CTNNA3: variants seen among roughly 807,000 people sequenced by gnomAD.
The protein encoded by CTNNA3 is catenin alpha 3.
A neutral mutation model predicts 95.7 loss-of-function variants in CTNNA3; 76 were observed. The observed-to-expected ratio is 0.79, with a 90% CI of 0.66 to 0.96. CTNNA3 has a LOEUF of 0.96. Ranked by LOEUF, CTNNA3 falls within the 40% of genes least tolerant of loss-of-function variation. CTNNA3 has a pLI of 0.00. For missense variants in CTNNA3, 1,191 were observed against 1,089.8 expected (o/e 1.09, Z -1.31); for synonymous variants, 431 against 374.4 (o/e 1.15, Z -1.74).
At chr10:66,185,256 T>C (rs1392927551) in intron 13 of CTNNA3, among the ~76,000 whole-genome samples, 2 of 152,132 alleles carry the variant, frequency 1.3e-5, no homozygotes, top group Non-Finnish European at 2.9e-5. Flanking sequence ...AATTAGTAGA[T>C]AGAGTTGGAG....
intron 12 of CTNNA3, among the ~76,000 whole-genome samples, chr10:66,323,413 G>A (rs2092215496): frequency 6.6e-6 from 1 of 151,852 alleles, no homozygotes; most frequent in African/African-American, 2.4e-5. Context: ...AGAGGCCAAG[G>A]GGCACGGATC....
At chr10:67,235,434 A>C (rs1033717654) in intron 5 of CTNNA3, among the ~76,000 whole-genome samples, 14 of 152,286 alleles carry the variant, frequency 9.2e-5, no homozygotes, top group African/African-American at 3.4e-4. Context: ...TATTTAATAA[A>C]TGCTGCTGGG....
intron 5 of CTNNA3, among the ~76,000 whole-genome samples, chr10:67,355,985 C>T (rs768861395): frequency 6.6e-6 from 1 of 151,966 alleles, no homozygotes; most frequent in Non-Finnish European, 1.5e-5. Flanking sequence ...ACACTCATAG[C>T]CTTACAACTT....
rs11418140 is a variant in CTNNA3 at position 67,319,896 on chromosome 10, CAAAAA to C, written c.580-100031_580-100027del. 2.9e-5 allele frequency among the ~76,000 whole-genome samples: 3 copies of C among 102,900 alleles called. No homozygotes were observed. The East Asian group carries it at 8.4e-4, about 29-fold the overall frequency. 67.5% of individuals were successfully genotyped at this position (102,900 alleles called of 152,430 possible). A position where few individuals can be genotyped will look rare whatever the true frequency, so the allele number is the denominator to read the frequency against. On this transcript the variant is annotated intron_variant, in intron 5 of 17. Transcript: ENST00000433211. ...GGGTGACAAGAGCGAGACTCAGTCT[CAAAAA>C]AAAAAAAAAAAAAAAATTCTAAGCA... is the stretch of plus-strand genomic sequence containing the variant.
intron 4 of CTNNA3, among the ~76,000 whole-genome samples, chr10:67,527,483 T>C (rs549975876): frequency 1.1e-4 from 16 of 152,298 alleles, no homozygotes; most frequent in African/African-American, 2.9e-4. Flanking sequence ...GCCAACATCA[T>C]AGACATCTGA....
At chr10:66,767,607 A>T (rs1257658740) in intron 8 of CTNNA3, among the ~76,000 whole-genome samples, 5 of 151,938 alleles carry the variant, frequency 3.3e-5, no homozygotes, top group African/African-American at 1.2e-4. Flanking sequence ...AGAAAAATGT[A>T]ATTTTTCTGT....
At chr10:66,596,962 GAGA>G (rs1451347051) in intron 10 of CTNNA3, among the ~76,000 whole-genome samples, 2 of 151,280 alleles carry the variant, frequency 1.3e-5, no homozygotes, top group Non-Finnish European at 3.0e-5. Context: ...TGAACAAAAT[GAGA>G]AGTTCAACAA....
At chr10:66,173,808 T>G (rs538553438) in intron 13 of CTNNA3, among the ~76,000 whole-genome samples, 1 of 152,172 alleles carries the variant, frequency 6.6e-6, no homozygotes, top group Non-Finnish European at 1.5e-5. Flanking sequence ...ATATTTATAT[T>G]CATAGCTACA....
intron 5 of CTNNA3, among the ~76,000 whole-genome samples, chr10:67,403,784 C>T (rs1564628064): frequency 6.6e-6 from 1 of 152,222 alleles, no homozygotes; most frequent in Non-Finnish European, 1.5e-5. Flanking sequence ...AACAGGGTTT[C>T]CAGCCACATC....
intron 9 of CTNNA3, among the ~76,000 whole-genome samples, chr10:66,636,275 T>C (rs546228152): frequency 2.0e-5 from 3 of 152,106 alleles, no homozygotes; most frequent in Admixed American, 6.6e-5. Flanking sequence ...CCTTTAACGT[T>C]AGCAGGGGCA....
intron 7 of CTNNA3, among the ~76,000 whole-genome samples, chr10:67,095,713 A>G (rs1188261081): frequency 1.3e-5 from 2 of 151,874 alleles, no homozygotes; most frequent in Non-Finnish European, 2.9e-5. Context: ...ATGACGAATA[A>G]GGACAAGTAT....
chr10:66,791,770 G>C (rs1000343806), intron 7 of CTNNA3, among the ~76,000 whole-genome samples: 1 of 152,140 alleles, frequency 6.6e-6, no homozygotes, highest in Non-Finnish European at 1.5e-5. Context: ...TAAGAATACT[G>C]AGGATTTTTA....
chr10:66,858,295 T>C (rs181324539), intron 7 of CTNNA3, among the ~76,000 whole-genome samples: 1 of 152,186 alleles, frequency 6.6e-6, no homozygotes, highest in Non-Finnish European at 1.5e-5. Context: ...GTTGTTGGGT[T>C]TGGTTTCCTA....
chr10:67,664,744 G>A (rs1277617140), intron 1 of CTNNA3, among the ~76,000 whole-genome samples: 1 of 152,068 alleles, frequency 6.6e-6, no homozygotes, highest in Non-Finnish European at 1.5e-5. Flanking sequence ...CTAGGTATCT[G>A]AAAAAGCAAT....
In CTNNA3 at chr10:67,010,911, T is replaced by C. The variant is rs115588808; in HGVS notation, c.1047+169406A>G. On this transcript the variant is annotated intron_variant, in intron 7 of 17. Coordinates refer to ENST00000433211, the MANE Select transcript of CTNNA3 (RefSeq NM_013266.4). ...ACATTATTTCTTCTAAACCTAACAA[T>C]TGAATTGACATTTTCAAAAACACAT... Among the ~76,000 whole-genome samples, 884 of 152,284 alleles carry C rather than the reference T, an allele frequency of 5.8e-3. 11 individuals carry two copies. The highest frequency in any genetic ancestry group is 0.02 in the African/African-American group (842 of 41,542).
intron 11 of CTNNA3, among the ~76,000 whole-genome samples, chr10:66,495,173 A>C (rs1276153267): frequency 6.6e-6 from 1 of 152,146 alleles, no homozygotes; most frequent in East Asian, 1.9e-4. Flanking sequence ...ATATGCATAA[A>C]CCACTATGAC....
At chr10:66,521,215 T>G (rs1841057125) in intron 10 of CTNNA3, among the ~76,000 whole-genome samples, 1 of 151,934 alleles carries the variant, frequency 6.6e-6, no homozygotes, top group African/African-American at 2.4e-5. Flanking sequence ...ATAATTTTTA[T>G]TTTTAAAATT....
At position 66,021,852 on chromosome 10, in the gene CTNNA3, C is replaced by CTTTTTTTTTTT. The variant is rs34671813; in HGVS notation, c.2160-33066_2160-33056dup. 1.5e-3 allele frequency among the ~76,000 whole-genome samples: 115 copies of CTTTTTTTTTTT among 75,914 alleles called. 23 individuals carry two copies. Among genetic ancestry groups the CTTTTTTTTTTT allele is most frequent in the South Asian group, 3.7e-3 (6 of 1,614 alleles). 49.8% of individuals were successfully genotyped at this position (75,914 alleles called of 152,430 possible). ...GGAAATTCCATATACAGGATCTTGGCTTTTTTTTTTTTTTTTAGATAGATA... is the reference window on the plus strand; with the variant it reads ...GGAAATTCCATATACAGGATCTTGGCTTTTTTTTTTTTTTTTTTTTTTTTTTTAGATAGATA... On this transcript the variant is annotated intron_variant, in intron 15 of 17. Coordinates refer to ENST00000433211, the MANE Select transcript of CTNNA3 (RefSeq NM_013266.4).
At chr10:67,550,991 G>T (rs544366538) in intron 3 of CTNNA3, among the ~76,000 whole-genome samples, 1 of 152,208 alleles carries the variant, frequency 6.6e-6, no homozygotes, top group African/African-American at 2.4e-5. Context: ...GGTAGAGGAG[G>T]GTGTGGTTCC....
Sources: gnomAD v4.1 joint callset for allele counts (sites outside exome capture counted in the v4.1 genomes callset) on GRCh38, gnomAD v4.1.1 for gene constraint, MANE v1.5 for transcripts, NCBI Gene and HGNC (gene_info 2026-07-23, HGNC 2026-07-21) for gene names.